The following TENM2 variants were observed in gnomAD, a reference collection of about 807,000 sequenced individuals.
The protein encoded by TENM2 is teneurin transmembrane protein 2.
Under a neutral mutation model 245.2 loss-of-function variants are expected in TENM2, and 52 were observed. The ratio of observed to expected loss-of-function variants is 0.21; its 90% CI spans 0.17 to 0.27. The LOEUF (loss-of-function observed/expected upper bound fraction) is 0.27, where lower values mean the gene tolerates loss of function less well. Ranked by LOEUF, TENM2 falls within the 10% of genes least tolerant of loss-of-function variation. The pLI is 1.00. For missense variants in TENM2, 3,046 were observed against 3,666.8 expected (o/e 0.83, Z 4.37); for synonymous variants, 1,363 against 1,438.9 (o/e 0.95, Z 1.19).
intron 1 of TENM2, among the ~76,000 whole-genome samples, chr5:167,353,554 C>A (rs1759098084): frequency 1.7e-5 from 2 of 114,636 alleles, no homozygotes; most frequent in Non-Finnish European, 1.7e-5. Flanking sequence ...GTCGCCCAGG[C>A]TGGAGTGCAG....
At chr5:167,668,379 A>G (rs954217313) in intron 2 of TENM2, among the ~76,000 whole-genome samples, 3 of 152,200 alleles carry the variant, frequency 2.0e-5, no homozygotes, top group Admixed American at 6.5e-5. Context: ...GGGTGTTATG[A>G]GGTTTCATGA....
the TENM2 span, among the ~76,000 whole-genome samples, chr5:167,021,428 A>G: frequency 6.6e-6 from 1 of 152,378 alleles, no homozygotes; most frequent in Middle Eastern, 3.4e-3. Flanking sequence ...ATTACTTTGT[A>G]GAATGCACAG....
the TENM2 span, among the ~76,000 whole-genome samples, chr5:167,243,012 C>T: frequency 6.6e-6 from 1 of 150,982 alleles, no homozygotes; most frequent in Non-Finnish European, 1.5e-5. Context: ...TTAACAGCAG[C>T]TGGGACATGT....
intron 5 of TENM2, among the ~76,000 whole-genome samples, chr5:168,013,624 A>AACAAG (rs1785434968): frequency 2.6e-5 from 4 of 151,752 alleles, no homozygotes; most frequent in Non-Finnish European, 1.5e-5. Flanking sequence ...AACAAAACAA[A>AACAAG]ACAAAACAAA....
At chr5:167,477,962 A>C (rs1276619824) in intron 2 of TENM2, among the ~76,000 whole-genome samples, 1 of 152,236 alleles carries the variant, frequency 6.6e-6, no homozygotes, top group East Asian at 1.9e-4. Context: ...TTTGAAGCTG[A>C]AGTTTAGTTA....
chr5:168,216,713 C>T, intron 21 of TENM2, 55 bp from the exon 24 acceptor site: 4 of 1,594,146 alleles, frequency 2.5e-6, no homozygotes, highest in South Asian at 1.1e-5. Flanking sequence ...CCCACCTCCA[C>T]CCCGCAATCC....
intron 2 of TENM2, among the ~76,000 whole-genome samples, chr5:167,658,632 A>C (rs1755005682): frequency 6.6e-6 from 1 of 152,178 alleles, no homozygotes; most frequent in African/African-American, 2.4e-5. Context: ...GCAATGCCAA[A>C]ATTGAGAAAG....
At chr5:166,989,813 C>T in the TENM2 span, among the ~76,000 whole-genome samples, 28 of 149,954 alleles carry the variant, frequency 1.9e-4, no homozygotes, top group Admixed American at 1.6e-3. Context: ...GAGAACTTCT[C>T]TGTTGCTGAA....
the TENM2 span, among the ~76,000 whole-genome samples, chr5:166,994,089 T>C: frequency 6.6e-6 from 1 of 152,234 alleles, no homozygotes; most frequent in Non-Finnish European, 1.5e-5. Context: ...CCTACACAGC[T>C]GTGTTACATT....
At chr5:167,455,173 T>C (rs1217153238) in intron 2 of TENM2, among the ~76,000 whole-genome samples, 1 of 152,124 alleles carries the variant, frequency 6.6e-6, no homozygotes, top group Admixed American at 6.6e-5. Flanking sequence ...GTTTAATTCT[T>C]TATTTTGAGA....
chr5:167,464,293 CCT>C (rs1177739497), intron 2 of TENM2, among the ~76,000 whole-genome samples: 5 of 151,680 alleles, frequency 3.3e-5, no homozygotes, highest in Admixed American at 2.6e-4. Flanking sequence ...CTTTTTTCAC[CCT>C]CTCTCATAAA....
At chr5:167,638,119 G>A (rs890972024) in intron 2 of TENM2, among the ~76,000 whole-genome samples, 3 of 150,038 alleles carry the variant, frequency 2.0e-5, no homozygotes, top group Non-Finnish European at 4.4e-5. Flanking sequence ...GTGTGTGTGT[G>A]TGTGTGTGTG....
At chr5:167,723,387 C>A (rs1759769200) in intron 2 of TENM2, among the ~76,000 whole-genome samples, 1 of 152,158 alleles carries the variant, frequency 6.6e-6, no homozygotes. Flanking sequence ...CCAGTCTCCC[C>A]ACCCTTGCAC....
intron 1 of TENM2, among the ~76,000 whole-genome samples, chr5:167,289,041 T>C: frequency 6.6e-6 from 1 of 152,166 alleles, no homozygotes; most frequent in East Asian, 1.9e-4. Flanking sequence ...GCTGATCTAA[T>C]TCCTGTTCTC....
chr5:167,738,211 C>T (rs989821247), intron 2 of TENM2, among the ~76,000 whole-genome samples: 11 of 152,072 alleles, frequency 7.2e-5, no homozygotes, highest in African/African-American at 1.7e-4. Context: ...TGCAGTAGCA[C>T]GGTGGAAGTT....
intron 4 of TENM2, among the ~76,000 whole-genome samples, chr5:167,967,989 C>T (rs1781503611): frequency 6.6e-6 from 1 of 152,174 alleles, no homozygotes; most frequent in African/African-American, 2.4e-5. Context: ...CATCCGCAGT[C>T]CTACCAGGCA....
chr5:168,200,245 C>T, intron 17 of TENM2, 114 bp downstream of exon 19: 8 of 940,972 alleles, frequency 8.5e-6, no homozygotes, highest in Non-Finnish European at 1.3e-5. Context: ...GATAAGGACA[C>T]GATGGCCAAG....
intron 1 of TENM2, among the ~76,000 whole-genome samples, chr5:167,366,156 A>G (rs1760041317): frequency 6.6e-6 from 1 of 152,078 alleles, no homozygotes. Flanking sequence ...GAAGGCACAA[A>G]TAAATATTAT....
the TENM2 span, among the ~76,000 whole-genome samples, chr5:167,080,706 G>A: frequency 6.6e-6 from 1 of 152,008 alleles, no homozygotes; most frequent in Non-Finnish European, 1.5e-5. Flanking sequence ...CTACAAATAA[G>A]GGCTTGATTA....
Sources: allele counts gnomAD v4.1 joint callset (sites outside exome capture counted in the v4.1 genomes callset), GRCh38; gene constraint gnomAD v4.1.1; transcripts MANE v1.5; gene names NCBI Gene and HGNC (gene_info 2026-07-23, HGNC 2026-07-21).